The following TBC1D9 variants were observed in gnomAD, a reference collection of about 807,000 sequenced individuals.
TBC1D9 encodes TBC1 domain family member 9.
Under a neutral mutation model 132.0 loss-of-function variants are expected in TBC1D9, and 63 were observed. The observed-to-expected ratio is 0.48, with a 90% confidence interval of 0.39 to 0.59. The LOEUF (loss-of-function observed/expected upper bound fraction) is 0.59, where lower values mean the gene tolerates loss of function less well. Ranked by LOEUF, TBC1D9 falls within the 20% of genes least tolerant of loss-of-function variation. TBC1D9 has a pLI of 0.00. For synonymous variants in TBC1D9, 610 were observed against 609.9 expected (o/e 1.00, Z 0.00); for missense variants, 1,261 against 1,592.7 (o/e 0.79, Z 3.54).
At chr4:140,724,640 GAA>G (rs568871378) in intron 1 of TBC1D9, among the ~76,000 whole-genome samples, 1 of 128,908 alleles carries the variant, frequency 7.8e-6, no homozygotes. Context: ...AGAGAAATTG[GAA>G]AAAAAAAAAA....
At chr4:140,704,534 C>G (rs1028467951) in intron 1 of TBC1D9, among the ~76,000 whole-genome samples, 1 of 151,662 alleles carries the variant, frequency 6.6e-6, no homozygotes, top group East Asian at 1.9e-4. Flanking sequence ...CAAGGGCAAG[C>G]ATAATTGACT....
chr4:140,643,195 G>T, intron 13 of TBC1D9: 2 of 1,413,874 alleles, frequency 1.4e-6, no homozygotes, highest in Non-Finnish European at 1.9e-6. Context: ...AGTGAGGGCC[G>T]AGCCACCAGG....
At chr4:140,679,554 A>T in intron 4 of TBC1D9, 61 bp downstream of exon 4, 4 of 1,179,024 alleles carry the variant, frequency 3.4e-6, no homozygotes, top group Non-Finnish European at 4.9e-6. Flanking sequence ...GTGGTTTATG[A>T]GTTCAGGGCA....
chr4:140,669,141 G>T, intron 8 of TBC1D9, 74 bp from the exon 9 acceptor site: 1 of 1,458,112 alleles, frequency 6.9e-7, no homozygotes, highest in Non-Finnish European at 9.5e-7. Flanking sequence ...TGGAAGGTCA[G>T]AACATGTTCC....
At chr4:140,674,424 T>C (rs1185973763) in intron 6 of TBC1D9, among the ~76,000 whole-genome samples, 1 of 152,132 alleles carries the variant, frequency 6.6e-6, no homozygotes, top group Non-Finnish European at 1.5e-5. Context: ...ATTATACATA[T>C]ATTTGAGAGA....
At chr4:140,668,531 C>T (rs1737482735) in intron 9 of TBC1D9, among the ~76,000 whole-genome samples, 1 of 152,172 alleles carries the variant, frequency 6.6e-6, no homozygotes, top group African/African-American at 2.4e-5. Flanking sequence ...GATGACTGCT[C>T]TGAGGAAGTG....
intron 1 of TBC1D9, among the ~76,000 whole-genome samples, chr4:140,708,739 T>C (rs10023019): frequency 0.043 from 6,573 of 152,212 alleles, 168 homozygotes; most frequent in Middle Eastern, 0.099. Flanking sequence ...GCCAGCCACA[T>C]TATGTATGAA....
intron 1 of TBC1D9, among the ~76,000 whole-genome samples, chr4:140,711,776 C>T (rs965779300): frequency 2.6e-5 from 4 of 152,118 alleles, no homozygotes; most frequent in African/African-American, 4.8e-5. Context: ...AAACTAATTA[C>T]TATTCTGTAT....
chr4:140,647,919 TG>T lies in TBC1D9; in HGVS notation c.2338-8492del, dbSNP rs112263457. ...TGGGGGTCTCTCCCTCCCCCGACTT[TG>T]GGGGGGGTCTCTCCCTCCCCCGACT... On this transcript the variant is annotated intron_variant, in intron 13 of 20. Transcript: ENST00000442267. 3.2e-3 allele frequency among the ~76,000 whole-genome samples: 478 copies of T among 151,278 alleles called. 2 individuals carry two copies. The highest frequency in any genetic ancestry group is 5.7e-3 in the Non-Finnish European group (384 of 67,814).
At chr4:140,627,397 G>A (rs371115128) in intron 18 of TBC1D9, 44 bp downstream of exon 18, 36 of 1,255,278 alleles carry the variant, frequency 2.9e-5, no homozygotes, top group African/African-American at 2.2e-4. Context: ...TGGAGGGCTC[G>A]GTAGAAAACA....
intron 2 of TBC1D9, among the ~76,000 whole-genome samples, chr4:140,692,148 T>A (rs1737887283): frequency 6.6e-6 from 1 of 152,202 alleles, no homozygotes; most frequent in African/African-American, 2.4e-5. Flanking sequence ...AGTGTATGTA[T>A]GCACATGTGT....
intron 11 of TBC1D9, 77 bp from the exon 12 acceptor site, chr4:140,657,889 T>C: frequency 6.7e-7 from 1 of 1,482,182 alleles, no homozygotes; most frequent in Non-Finnish European, 9.1e-7. Context: ...TCAAACAACT[T>C]GACTGCTAGC....
At chr4:140,676,072 A>G (rs1397002271) in intron 6 of TBC1D9, among the ~76,000 whole-genome samples, 2 of 152,182 alleles carry the variant, frequency 1.3e-5, no homozygotes, top group East Asian at 3.8e-4. Context: ...TTTTTAACCC[A>G]TGGACAACTA....
chr4:140,674,689 A>ATT (rs1479837510), intron 6 of TBC1D9, among the ~76,000 whole-genome samples: 8 of 146,532 alleles, frequency 5.5e-5, no homozygotes. Flanking sequence ...ATATATATAT[A>ATT]TATTTTTTTT....
intron 16 of TBC1D9, among the ~76,000 whole-genome samples, chr4:140,629,664 T>C (rs1736761452): frequency 6.6e-6 from 1 of 152,174 alleles, no homozygotes; most frequent in Non-Finnish European, 1.5e-5. Flanking sequence ...TCAATCAATA[T>C]CCCTCTGGAA....
At chr4:140,623,959 A>G (rs1231659896) in intron 20 of TBC1D9, among the ~76,000 whole-genome samples, 157 bp downstream of exon 20, 2 of 152,030 alleles carry the variant, frequency 1.3e-5, no homozygotes, top group Non-Finnish European at 1.5e-5. Flanking sequence ...TTTTTGATGC[A>G]TAAATACATG....
intron 1 of TBC1D9, among the ~76,000 whole-genome samples, chr4:140,714,930 G>A (rs1489036399): frequency 3.3e-5 from 5 of 151,996 alleles, no homozygotes; most frequent in African/African-American, 7.3e-5. Context: ...AGACCAGCTC[G>A]GGCAACACAG....
Position 140,633,985 on chromosome 4 carries a change from G to A in TBC1D9, c.2709C>T (p.Asp903=). 2 of 1,613,972 alleles carry A rather than the reference G, an allele frequency of 1.2e-6. No individual in the cohort carries two copies. The highest frequency in any genetic ancestry group is 2.2e-5 in the East Asian group (1 of 44,884). ...RLFQLLDENG[D]SLINFREFVS... ...CAAACTCCCGGAAGTTAATCAAAGA[G>A]TCTCCATTTTCATCTAATAACTGGA... Residue 903 remains aspartate, a synonymous_variant, in exon 16 of 21, where the codon GAC becomes GAT. Transcript: ENST00000442267.
intron 10 of TBC1D9, 125 bp from the exon 11 acceptor site, chr4:140,659,830 A>G (rs1334784033): frequency 1.2e-5 from 8 of 656,328 alleles, no homozygotes; most frequent in South Asian, 2.1e-5. Context: ...AGCGAGATAA[A>G]TATGTTTAGG....
Sources: allele counts gnomAD v4.1 joint callset (sites outside exome capture counted in the v4.1 genomes callset), GRCh38; gene constraint gnomAD v4.1.1; transcripts MANE v1.5; gene names NCBI Gene and HGNC (gene_info 2026-07-23, HGNC 2026-07-21).